GBE1: variants seen among roughly 807,000 people sequenced by gnomAD.
GBE1 encodes the protein 1,4-alpha-glucan-branching enzyme.
In GBE1, 70 loss-of-function variants were observed where a neutral mutation model predicts 88.8. That is an observed-to-expected ratio of 0.79 (90% confidence interval 0.65 to 0.96). GBE1 has a LOEUF of 0.96. Ranked by LOEUF, GBE1 falls within the 40% of genes least tolerant of loss-of-function variation. The pLI is 0.00. For missense variants in GBE1, 872 were observed against 871.0 expected, an observed-to-expected ratio of 1.00 and a Z score of -0.01; for synonymous variants, 284 against 300.1, an observed-to-expected ratio of 0.95 and a Z score of 0.56.
At chr3:81,661,370 T>G (rs1705029002) in intron 3 of GBE1, among the ~76,000 whole-genome samples, 1 of 152,216 alleles carries the variant, frequency 6.6e-6, no homozygotes. Flanking sequence ...TATAATTTTT[T>G]AGATAATGGT....
chr3:81,638,728 G>T (rs1042702662), intron 7 of GBE1, among the ~76,000 whole-genome samples: 2 of 152,118 alleles, frequency 1.3e-5, no homozygotes, highest in African/African-American at 2.4e-5. Context: ...TTCATAGCAG[G>T]TAATGAAATA....
chr3:81,568,434 G>A (rs1032330329), intron 12 of GBE1, among the ~76,000 whole-genome samples: 1 of 151,828 alleles, frequency 6.6e-6, no homozygotes, highest in African/African-American at 2.4e-5. Flanking sequence ...TTTTAACAAT[G>A]TTTTTGTTTT....
At position 81,514,886 on chromosome 3, in the gene GBE1, G is replaced by T. The variant is rs147776889; in HGVS notation, c.1935-15659C>A. Among the ~76,000 whole-genome samples the T allele has an allele frequency of 9.2e-5, 14 of 151,594 alleles. No individual in the cohort carries two copies. In the East Asian group the frequency reaches 2.7e-3, roughly 29 times the overall value. On this transcript the variant is annotated intron_variant, in intron 14 of 15. Coordinates refer to ENST00000429644, the MANE Select transcript of GBE1 (RefSeq NM_000158.4). ...TCATTGAAAAAGGTAATTTCTACTG[G>T]CCAGAAGGAAAAGTAATATAACATC...
At chr3:81,661,244 A>G (rs978287109) in intron 3 of GBE1, among the ~76,000 whole-genome samples, 1 of 152,206 alleles carries the variant, frequency 6.6e-6, no homozygotes, top group Non-Finnish European at 1.5e-5. Flanking sequence ...GATAAAATAC[A>G]ACATATTTCA....
intron 7 of GBE1, among the ~76,000 whole-genome samples, chr3:81,628,742 C>CATAT (rs71108330): frequency 0.088 from 5,690 of 64,444 alleles, 545 homozygotes; most frequent in East Asian, 0.14. Context: ...AGAACAATTG[C>CATAT]ATATATATAT....
At chr3:81,628,232 T>C (rs1326377207) in intron 7 of GBE1, among the ~76,000 whole-genome samples, 3 of 152,150 alleles carry the variant, frequency 2.0e-5, no homozygotes, top group Non-Finnish European at 2.9e-5. Flanking sequence ...TTTAGACTTT[T>C]AATTTCCTGA....
In GBE1 at chr3:81,759,911, G is replaced by A. The variant is rs1469322727; in HGVS notation, c.143+1464C>T. Among the ~76,000 whole-genome samples, 4 of 151,946 alleles carry A rather than the reference G, an allele frequency of 2.6e-5. No homozygotes were observed. In the East Asian group the frequency reaches 5.8e-4, roughly 22 times the overall value. ...AACTCTTCTTTAATAAATATCTTAA[G>A]TGTCCTTTTACAAAGCACACAGGTA... On this transcript the variant is annotated intron_variant, in intron 1 of 15. Transcript: ENST00000429644.
chr3:81,568,294 C>T (rs148917008), intron 12 of GBE1, among the ~76,000 whole-genome samples: 1,973 of 152,068 alleles, frequency 0.013, 15 homozygotes, highest in Non-Finnish European at 0.019. Flanking sequence ...ACTACAGGTG[C>T]GTGCCACCAT....
intron 1 of GBE1, among the ~76,000 whole-genome samples, chr3:81,707,307 G>C (rs919334016): frequency 1.3e-5 from 2 of 151,926 alleles, no homozygotes; most frequent in African/African-American, 2.4e-5. Context: ...AGTAATCTAG[G>C]AATATCCTAG....
intron 10 of GBE1, among the ~76,000 whole-genome samples, chr3:81,584,659 C>T (rs865977651): frequency 1.3e-4 from 20 of 151,430 alleles, no homozygotes; most frequent in South Asian, 6.3e-4. Context: ...TATTTGATAA[C>T]TATGATTATT....
At chr3:81,561,026 C>T (rs1257541686) in intron 12 of GBE1, among the ~76,000 whole-genome samples, 1 of 151,908 alleles carries the variant, frequency 6.6e-6, no homozygotes, top group Non-Finnish European at 1.5e-5. Flanking sequence ...TATAAAACCT[C>T]TTTTACAAAA....
intron 1 of GBE1, among the ~76,000 whole-genome samples, chr3:81,707,005 A>G (rs1020740678): frequency 1.3e-5 from 2 of 152,064 alleles, no homozygotes; most frequent in African/African-American, 4.8e-5. Flanking sequence ...AGACAAAAAA[A>G]AATGATCCAA....
intron 14 of GBE1, among the ~76,000 whole-genome samples, chr3:81,516,397 G>A (rs532992240): frequency 6.6e-6 from 1 of 151,496 alleles, no homozygotes. Flanking sequence ...GCCCAAGCTT[G>A]AGACCTATTT....
chr3:81,541,085 T>C (rs1178928977), intron 12 of GBE1, among the ~76,000 whole-genome samples: 1 of 152,006 alleles, frequency 6.6e-6, no homozygotes, highest in African/African-American at 2.4e-5. Flanking sequence ...ACCAACTGCC[T>C]TGGGTAGATT....
At chr3:81,760,590 C>T (rs1473020469) in intron 1 of GBE1, among the ~76,000 whole-genome samples, 2 of 152,128 alleles carry the variant, frequency 1.3e-5, no homozygotes, top group Non-Finnish European at 2.9e-5. Context: ...CAAACAACAA[C>T]GACAACAGAA....
chr3:81,661,985 T>C (rs2107098758), intron 3 of GBE1, among the ~76,000 whole-genome samples: 1 of 152,294 alleles, frequency 6.6e-6, no homozygotes, highest in African/African-American at 2.4e-5. Context: ...ACAATTATAT[T>C]TAATCCTTCA....
chr3:81,571,827 T>G (rs1703578935), intron 12 of GBE1, among the ~76,000 whole-genome samples: 1 of 152,158 alleles, frequency 6.6e-6, no homozygotes, highest in African/African-American at 2.4e-5. Flanking sequence ...CAAAACAACT[T>G]TTTTTAAAAC....
chr3:81,746,996 T>C (rs1409796427), intron 1 of GBE1, among the ~76,000 whole-genome samples: 2 of 152,214 alleles, frequency 1.3e-5, no homozygotes, highest in Non-Finnish European at 1.5e-5. Flanking sequence ...AATACAAGTT[T>C]GTCAGTTTAT....
chr3:81,524,994 C>G (rs954825311), intron 14 of GBE1, among the ~76,000 whole-genome samples: 1 of 151,622 alleles, frequency 6.6e-6, no homozygotes, highest in Non-Finnish European at 1.5e-5. Context: ...TTGACCTAGC[C>G]TTGGATTGGT....
Sources: gnomAD v4.1 joint callset for allele counts (sites outside exome capture counted in the v4.1 genomes callset) on GRCh38, gnomAD v4.1.1 for gene constraint, MANE v1.5 for transcripts, NCBI Gene and HGNC (gene_info 2026-07-23, HGNC 2026-07-21) for gene names.